SPMIP2: variants seen among roughly 807,000 people sequenced by gnomAD.
The protein encoded by SPMIP2 is protein SPMIP2.
At chr4:158,913,838 C>T in the SPMIP2 span, among the ~76,000 whole-genome samples, 1 of 150,478 alleles carries the variant, frequency 6.6e-6, no homozygotes, top group East Asian at 1.9e-4. Context: ...AGTGAGACCC[C>T]CATATCTTAA....
chr4:158,904,706 T>C, the SPMIP2 span: 2 of 630,062 alleles, frequency 3.2e-6, no homozygotes, highest in Non-Finnish European at 5.5e-6. Flanking sequence ...TGATGCTTCA[T>C]TGAAGACTTA....
At chr4:159,007,335 C>T in the SPMIP2 span, 1 of 730,546 alleles carries the variant, frequency 1.4e-6, no homozygotes, top group Non-Finnish European at 2.5e-6. Context: ...GGCCCTCCAC[C>T]CAAGGATGAT....
chr4:159,030,857 G>A, the SPMIP2 span, among the ~76,000 whole-genome samples: 1 of 152,074 alleles, frequency 6.6e-6, no homozygotes, highest in African/African-American at 2.4e-5. Flanking sequence ...TCTTAAAAGT[G>A]CTCTAAAGTA....
the SPMIP2 span, among the ~76,000 whole-genome samples, chr4:158,993,367 TAAAAAAAAGAAG>T: frequency 2.0e-5 from 3 of 149,468 alleles, no homozygotes; most frequent in Non-Finnish European, 4.4e-5. Context: ...ATCCTGTCTC[TAAAAAAAAGAAG>T]AAAAAAAAGA....
At chr4:158,964,596 A>G in the SPMIP2 span, among the ~76,000 whole-genome samples, 2 of 116,546 alleles carry the variant, frequency 1.7e-5, no homozygotes, top group African/African-American at 5.4e-5. Context: ...GCAAGGGGAG[A>G]AAAGGAATAT....
At chr4:158,973,091 G>T in the SPMIP2 span, 1 of 1,577,250 alleles carries the variant, frequency 6.3e-7, no homozygotes, top group Non-Finnish European at 8.7e-7. Context: ...TGATATGAAA[G>T]CCACTCCCCA....
the SPMIP2 span, among the ~76,000 whole-genome samples, chr4:158,954,264 T>C: frequency 6.6e-6 from 1 of 152,168 alleles, no homozygotes; most frequent in Non-Finnish European, 1.5e-5. Flanking sequence ...CTCGTGGTAG[T>C]GAATAAGTCT....
At chr4:159,013,693 G>C in the SPMIP2 span, among the ~76,000 whole-genome samples, 1 of 152,062 alleles carries the variant, frequency 6.6e-6, no homozygotes, top group Non-Finnish European at 1.5e-5. Context: ...TGAGGGGTTG[G>C]GGCTTCAACA....
At chr4:159,020,330 T>C in the SPMIP2 span, among the ~76,000 whole-genome samples, 2 of 152,076 alleles carry the variant, frequency 1.3e-5, no homozygotes, top group African/African-American at 4.8e-5. Flanking sequence ...ATATCAGTCA[T>C]TTGGTGAGGG....
At chr4:159,020,096 G>C in the SPMIP2 span, among the ~76,000 whole-genome samples, 1 of 151,676 alleles carries the variant, frequency 6.6e-6, no homozygotes, top group African/African-American at 2.4e-5. Context: ...CTCCAGCCTG[G>C]GCAACAGAGC....
At chr4:158,972,155 A>G in the SPMIP2 span, among the ~76,000 whole-genome samples, 1 of 152,188 alleles carries the variant, frequency 6.6e-6, no homozygotes, top group Non-Finnish European at 1.5e-5. Context: ...TGAGGTCAGG[A>G]GTTCAAGACC....
At chr4:158,987,878 C>T in the SPMIP2 span, among the ~76,000 whole-genome samples, 5 of 151,792 alleles carry the variant, frequency 3.3e-5, no homozygotes, top group Non-Finnish European at 7.4e-5. Flanking sequence ...TAGCAGAAGA[C>T]AAAAAATAAC....
chr4:158,957,888 G>T, the SPMIP2 span, among the ~76,000 whole-genome samples: 1 of 152,206 alleles, frequency 6.6e-6, no homozygotes, highest in Non-Finnish European at 1.5e-5. Context: ...CGGGTCAGAT[G>T]TTAACTTTTT....
chr4:158,908,621 C>T, the SPMIP2 span, among the ~76,000 whole-genome samples: 1 of 152,192 alleles, frequency 6.6e-6, no homozygotes, highest in African/African-American at 2.4e-5. Context: ...GTCACCAATA[C>T]AGGACATCTC....
chr4:159,029,613 G>A, the SPMIP2 span, among the ~76,000 whole-genome samples: 2 of 152,084 alleles, frequency 1.3e-5, no homozygotes, highest in African/African-American at 4.8e-5. Context: ...GAAATGAGTG[G>A]GAAAACAAAA....
chr4:159,058,217 CGGT>C, the SPMIP2 span, among the ~76,000 whole-genome samples: 2 of 142,936 alleles, frequency 1.4e-5, no homozygotes, highest in Non-Finnish European at 3.1e-5. Context: ...ATTCTTGTTA[CGGT>C]TGTTTTGAAC....
the SPMIP2 span, among the ~76,000 whole-genome samples, chr4:158,910,818 A>G: frequency 6.6e-6 from 1 of 152,114 alleles, no homozygotes; most frequent in African/African-American, 2.4e-5. Flanking sequence ...GGATTTACCA[A>G]CTTCCACAAT....
At chr4:158,971,653 A>G in the SPMIP2 span, among the ~76,000 whole-genome samples, 3 of 152,324 alleles carry the variant, frequency 2.0e-5, no homozygotes, top group East Asian at 3.9e-4. Context: ...TCCTCACAAC[A>G]TAACAATATG....
At chr4:159,031,115 G>A in the SPMIP2 span, among the ~76,000 whole-genome samples, 29 of 152,202 alleles carry the variant, frequency 1.9e-4, no homozygotes, top group African/African-American at 7.0e-4. Context: ...ATGAAAACAC[G>A]GACTTTATAT....
Sources: gnomAD v4.1 joint callset for allele counts (sites outside exome capture counted in the v4.1 genomes callset) on GRCh38, gnomAD v4.1.1 for gene constraint, MANE v1.5 for transcripts, NCBI Gene and HGNC (gene_info 2026-07-23, HGNC 2026-07-21) for gene names.